Variants in AGXT observed in about 807,000 individuals in gnomAD.
AGXT encodes the protein alanine--glyoxylate aminotransferase.
A neutral mutation model predicts 46.9 loss-of-function variants in AGXT; 41 were observed. The ratio of observed to expected loss-of-function variants is 0.88; its 90% CI spans 0.68 to 1.14. The LOEUF (loss-of-function observed/expected upper bound fraction) is 1.14, where lower values mean the gene tolerates loss of function less well. AGXT is among the 50% of genes most tolerant of loss of function. The pLI, the probability that AGXT is intolerant of heterozygous loss-of-function variation, is 0.00. For missense variants in AGXT, 525 were observed against 522.7 expected (o/e 1.00, Z -0.04); for synonymous variants, 244 against 227.9 (o/e 1.07, Z -0.64).
chr2:240,876,089 G>C, intron 8 of AGXT, 85 bp downstream of exon 8: 1 of 1,470,590 alleles, frequency 6.8e-7, no homozygotes, highest in Non-Finnish European at 9.4e-7. Context: ...AACCATCCCT[G>C]GTGCACAGAG....
chr2:240,873,869 T>C, intron 5 of AGXT, 109 bp from the exon 6 acceptor site: 1 of 985,824 alleles, frequency 1.0e-6, no homozygotes, highest in Non-Finnish European at 1.6e-6. Context: ...CGTGTACGGA[T>C]TCGTGGTAGG....
At chr2:240,873,943 G>T in intron 5 of AGXT, 35 bp from the exon 6 acceptor site, 1 of 1,603,546 alleles carries the variant, frequency 6.2e-7, no homozygotes, top group Non-Finnish European at 8.5e-7. Context: ...CCTGAGGTGG[G>T]ACTCACCCGT....
At chr2:240,872,361 G>A (rs1328383708) in intron 4 of AGXT, among the ~76,000 whole-genome samples, 8 of 56,658 alleles carry the variant, frequency 1.4e-4, no homozygotes, top group Admixed American at 6.4e-4. Context: ...ACATGCAGGC[G>A]GAGGAGGGTG....
intron 1 of AGXT, 64 bp from the exon 2 acceptor site, chr2:240,869,106 G>T (rs1252949313): frequency 1.9e-6 from 3 of 1,610,260 alleles, no homozygotes; most frequent in Non-Finnish European, 2.5e-6. Context: ...AGGGAAGGGG[G>T]TCACTGCCTC....
Position 240,877,561 on chromosome 2 carries a change from C to A in AGXT, c.871C>A (p.His291Asn). Residue 291 changes from histidine (H) to asparagine (N), a missense_variant, in exon 9 of 11, where the codon CAC becomes AAC. His to Asn is a moderately conservative substitution (Grantham distance 68, BLOSUM62 1). Transcript: ENST00000307503. ...GGGCCTGGAGAACAGCTGGCGCCAG[C>A]ACCGCGAGGCCGCGGCGTATCTGCA... ...EQGLENSWRQ[H>N]REAAAYLHGR... 2 of 1,550,112 alleles carry A rather than the reference C, an allele frequency of 1.3e-6. No homozygotes were observed. Among genetic ancestry groups the A allele is most frequent in the Non-Finnish European group, 8.7e-7 (1 of 1,146,470 alleles).
At chr2:240,871,564 C>T in intron 4 of AGXT, 115 bp downstream of exon 4, 1 of 986,730 alleles carries the variant, frequency 1.0e-6, no homozygotes, top group Non-Finnish European at 1.5e-6. Context: ...CAGCCTCTGT[C>T]ACATGGTATG....
At chr2:240,876,520 C>G (rs1200229075) in intron 8 of AGXT, among the ~76,000 whole-genome samples, 5 of 152,192 alleles carry the variant, frequency 3.3e-5, no homozygotes, top group African/African-American at 1.2e-4. Flanking sequence ...TGAGAGTGGC[C>G]TCAGGCCCAG....
Position 240,880,457 on chromosome 2 carries a change from T to C in AGXT, c.*1636T>C, listed in dbSNP as rs1316496346. 1 of 152,140 alleles carries C rather than the reference T, an allele frequency of 6.6e-6. No homozygotes were observed. The highest frequency in any genetic ancestry group is 1.5e-5 in the Non-Finnish European group (1 of 68,048). 9.4% of individuals were successfully genotyped at this position (152,140 alleles called of 1,614,324 possible). A position where few individuals can be genotyped will look rare whatever the true frequency, so the allele number is the denominator to read the frequency against. ...TCATATTTGGATTTTTATCTTCTTA[T>C]TGTCAATGTGTGATCATTTTAAAAT... On this transcript the variant is annotated 3_prime_UTR_variant, in exon 11 of 11. Transcript: ENST00000307503.
chr2:240,873,929 C>T (rs756987411), intron 5 of AGXT, 49 bp from the exon 6 acceptor site: 21 of 1,564,232 alleles, frequency 1.3e-5, no homozygotes, highest in Non-Finnish European at 1.8e-5. Context: ...CTGGACTGGC[C>T]TGCCCTGAGG....
chr2:240,872,636 G>A (rs2058998474), intron 4 of AGXT, among the ~76,000 whole-genome samples: 1 of 152,064 alleles, frequency 6.6e-6, no homozygotes, highest in East Asian at 1.9e-4. Context: ...GTCCACACAG[G>A]CCCTCAGGCA....
Position 240,873,067 on chromosome 2 carries a change from G to A in AGXT, c.595+18G>A, listed in dbSNP as rs745532356. The stretch of plus-strand genomic sequence containing the variant: ...CCGGCAAGGTAAGGGTGGGCTCTGA[G>A]AGCCCTACCCAGCCCAAGCAGCCTT... On this transcript the variant is annotated intron_variant, in intron 5 of 10. Coordinates refer to ENST00000307503, the MANE Select transcript of AGXT (RefSeq NM_000030.3). 1.9e-6 allele frequency: 3 copies of A among 1,610,888 alleles called. No homozygotes were observed. The African/African-American group carries it at 4.0e-5, about 22-fold the overall frequency.
At position 240,869,295 on chromosome 2, in the gene AGXT, G is replaced by A. The variant is rs774367448; in HGVS notation, c.291G>A (p.Gly97=). 1 of 1,613,140 alleles carries A rather than the reference G, an allele frequency of 6.2e-7. No homozygotes were observed. The highest frequency in any genetic ancestry group is 1.7e-5 in the Admixed American group (1 of 59,996). Residue 97 remains glycine (G), a synonymous_variant, in exon 2 of 11, where the codon GGG becomes GGA. Transcript: ENST00000307503. ...CCCTGGTCAATGTGCTGGAGCCTGG[G>A]GACTCCTTCCTGGTTGGGGCCAATG... ...EAALVNVLEP[G]DSFLVGANGI...
chr2:240,873,199 C>T lies in AGXT; in HGVS notation c.595+150C>T, dbSNP rs115618021. ...CCAGGGAAACACTCACTCCTTACTGCGGCAAGAGCGGCTCCATGAACTACC... is the reference window on the plus strand; with the variant it reads ...CCAGGGAAACACTCACTCCTTACTGTGGCAAGAGCGGCTCCATGAACTACC... On this transcript the variant is annotated intron_variant, in intron 5 of 10. Transcript: ENST00000307503. The T allele has an allele frequency of 0.017, 11,431 of 659,448 alleles. 147 individuals are homozygous for T. The highest frequency in any genetic ancestry group is 0.025 in the Non-Finnish European group (9,323 of 377,922). 40.8% of individuals were successfully genotyped at this position (659,448 alleles called of 1,614,324 possible).
Position 240,874,139 on chromosome 2 carries a change from C to T in AGXT, c.680+77C>T, listed in dbSNP as rs1324751790. The T allele has an allele frequency of 2.0e-5, 29 of 1,445,698 alleles. No homozygotes were observed. In the Admixed American group the frequency reaches 3.6e-4, roughly 18 times the overall value. The allele number at this position is 1,445,698 out of a possible 1,614,324, so 89.6% of individuals were successfully genotyped here. A position where few individuals can be genotyped will look rare whatever the true frequency, so the allele number is the denominator to read the frequency against. ...CTCAGGTGGCCCGAGGCGGGAGGGG[C>T]GGGAGCCAGGCAGGAAGGGCTCCCC... On this transcript the variant is annotated intron_variant, in intron 6 of 10. Coordinates refer to ENST00000307503, the MANE Select transcript of AGXT (RefSeq NM_000030.3).
At chr2:240,876,097 G>A (rs1453137441) in intron 8 of AGXT, 93 bp downstream of exon 8, 2 of 1,422,306 alleles carry the variant, frequency 1.4e-6, no homozygotes, top group African/African-American at 2.8e-5. Flanking sequence ...CTGGTGCACA[G>A]AGAAAAGGGA....
intron 6 of AGXT, 81 bp from the exon 7 acceptor site, chr2:240,875,028 G>C: frequency 7.6e-7 from 1 of 1,322,094 alleles, no homozygotes; most frequent in Admixed American, 1.7e-5. Flanking sequence ...TCACTCCCGT[G>C]AAACAGGACA....
intron 3 of AGXT, 88 bp downstream of exon 3, chr2:240,870,796 A>C: frequency 1.5e-6 from 2 of 1,328,636 alleles, no homozygotes; most frequent in Non-Finnish European, 2.1e-6. Flanking sequence ...GCCAGCCAGC[A>C]GGGTGGGATC....
At chr2:240,878,217 G>A in intron 10 of AGXT, 67 bp downstream of exon 10, 1 of 1,595,562 alleles carries the variant, frequency 6.3e-7, no homozygotes, top group Admixed American at 1.7e-5. Context: ...GAGCAGGACT[G>A]TGCACCAGGT....
intron 3 of AGXT, 169 bp from the exon 4 acceptor site, chr2:240,871,180 T>C: frequency 1.5e-6 from 1 of 663,562 alleles, no homozygotes; most frequent in African/African-American, 1.8e-5. Flanking sequence ...AAAGCCCTTG[T>C]CCCGGAGCGG....
Sources: allele counts gnomAD v4.1 joint callset (sites outside exome capture counted in the v4.1 genomes callset), GRCh38; gene constraint gnomAD v4.1.1; transcripts MANE v1.5; gene names NCBI Gene and HGNC (gene_info 2026-07-23, HGNC 2026-07-21).